ZNF19: variants seen among roughly 807,000 people sequenced by gnomAD.
ZNF19 encodes zinc finger protein 19 (KOX 12).
A neutral mutation model predicts 13.1 loss-of-function variants in ZNF19; 11 were observed. The ratio of observed to expected loss-of-function variants is 0.84; its 90% confidence interval spans 0.53 to 1.39. ZNF19 has a LOEUF of 1.39. ZNF19 is among the 40% of genes most tolerant of loss of function. The pLI, the probability that ZNF19 is intolerant of heterozygous loss-of-function variation, is 0.00. For synonymous variants in ZNF19, 186 were observed against 187.0 expected (o/e 0.99, Z 0.04); for missense variants, 560 against 547.0 (o/e 1.02, Z -0.24).
intron 2 of ZNF19, 40 bp downstream of exon 2, chr16:71,484,549 G>C: frequency 2.0e-6 from 2 of 985,468 alleles, no homozygotes; most frequent in Non-Finnish European, 2.4e-6. Flanking sequence ...CAGTGCCTGA[G>C]CCTAGCAAGG....
In ZNF19 at chr16:71,476,070, T is replaced by C. The variant is rs778980582; in HGVS notation, c.477A>G (p.Lys159=). 5 of 1,614,042 alleles carry C rather than the reference T, an allele frequency of 3.1e-6. No individual in the cohort carries two copies. The highest frequency in any genetic ancestry group is 3.3e-5 in the Admixed American group (2 of 59,998). The change falls in exon 6 of 6, where the codon AAA becomes AAG. Residue 159 remains lysine (K), a synonymous_variant. Coordinates refer to ENST00000288177, the MANE Select transcript of ZNF19 (RefSeq NM_006961.4). ...TCCCACACTCCTCACATATGAAAGG[T>C]TTCCTTGCACAGGGGATTCTTGGAA... is the stretch of plus-strand genomic sequence containing the variant. ...GKVPRIPCAR[K]PFICEECGKS...
intron 1 of ZNF19, chr16:71,488,932 T>TC (rs2043700803): frequency 6.6e-6 from 1 of 152,320 alleles, no homozygotes; most frequent in Non-Finnish European, 1.5e-5. Flanking sequence ...GTTAAAGACT[T>TC]AAGCCGGCCC....
rs567704999 is a variant in ZNF19 at position 71,484,614 on chromosome 16, T to G, written c.-55A>C. The G allele has an allele frequency of 1.9e-5, 19 of 985,414 alleles. No homozygotes were observed. The highest frequency in any genetic ancestry group is 2.3e-5 in the Non-Finnish European group (19 of 829,970). The allele number at this position is 985,414 out of a possible 1,614,324, so 61.0% of individuals were successfully genotyped here. ...CTCAGGAAAAACAGAAAGCGGTGCG[T>G]GAACGGAAGTGCGTCACTACTTTGG... On this transcript the variant is annotated 5_prime_UTR_variant, in exon 2 of 6. Transcript: ENST00000288177.
rs928839488 is a variant in ZNF19 at position 71,474,175 on chromosome 16, G to A, written c.*995C>T. 2.0e-5 allele frequency: 3 copies of A among 152,226 alleles called. No homozygotes were observed. The highest frequency in any genetic ancestry group is 4.4e-5 in the Non-Finnish European group (3 of 68,044). The allele number at this position is 152,226 out of a possible 1,614,324, so 9.4% of individuals were successfully genotyped here. ...AAAGGGCCAGCCCTGTTTTCCTACT[G>A]AGAGATCTCTGCAGTGTGTCTTATG... On this transcript the variant is annotated 3_prime_UTR_variant, in exon 6 of 6. Transcript: ENST00000288177.
At position 71,475,633 on chromosome 16, in the gene ZNF19, T is replaced by G; in HGVS notation, c.914A>C (p.Glu305Ala). 1 of 1,614,224 alleles carries G rather than the reference T, an allele frequency of 6.2e-7. No individual in the cohort carries two copies. The highest frequency in any genetic ancestry group is 8.5e-7 in the Non-Finnish European group (1 of 1,180,036). Reference sequence around the variant, plus strand: ...AGTCCTTCCAAAGCTTTTGCCACACTCATTACACTCATAGGGTTTCTCTCC... The same window carrying G: ...AGTCCTTCCAAAGCTTTTGCCACACGCATTACACTCATAGGGTTTCTCTCC... ...HTGEKPYECN[E>A]CGKSFGRTSH... Residue 305 changes from glutamate to alanine, a missense_variant, in exon 6 of 6, where the codon GAG becomes GCG. By Grantham distance (107) the Glu-to-Ala change is moderately radical. Transcript: ENST00000288177.
chr16:71,486,454 A>G (rs923852919), intron 1 of ZNF19, among the ~76,000 whole-genome samples: 1 of 152,216 alleles, frequency 6.6e-6, no homozygotes, highest in Non-Finnish European at 1.5e-5. Flanking sequence ...AGAGAATCAC[A>G]AAAATGACAG....
At chr16:71,477,611 G>A (rs1160498573) in intron 5 of ZNF19, among the ~76,000 whole-genome samples, 1 of 151,958 alleles carries the variant, frequency 6.6e-6, no homozygotes, top group Admixed American at 6.6e-5. Context: ...TTAGAGTACT[G>A]TTTCAGACCT....
At position 71,476,087 on chromosome 16, in the gene ZNF19, T is replaced by C. The variant is rs552689733; in HGVS notation, c.460A>G (p.Ile154Val). The C allele has an allele frequency of 3.1e-6, 5 of 1,614,200 alleles. No homozygotes were observed. The Admixed American group carries it at 6.7e-5, about 22-fold the overall frequency. The change falls in exon 6 of 6, where the codon ATC becomes GTC. Residue 154 changes from isoleucine to valine, a missense_variant. Transcript: ENST00000288177. ...ATGAAAGGTTTCCTTGCACAGGGGA[T>C]TCTTGGAACCTTTCCTTGGATATTT... is the stretch of plus-strand genomic sequence containing the variant. ...VKNIQGKVPR[I>V]PCARKPFICE... is the part of the protein sequence containing the mutation.
chr16:71,478,520 C>T lies in ZNF19; in HGVS notation c.161-179G>A, dbSNP rs1233484420. ...TTGTGACTTCTTCCTAAAAAAAACA[C>T]TCAAGGATAAGTAAGTCAGTGAGAT... On this transcript the variant is annotated intron_variant, in intron 4 of 5. Coordinates refer to ENST00000288177, the MANE Select transcript of ZNF19 (RefSeq NM_006961.4). The T allele has an allele frequency of 1.7e-5, 12 of 704,716 alleles. No homozygotes were observed. The Admixed American group carries it at 2.4e-4, about 14-fold the overall frequency. 43.7% of individuals were successfully genotyped at this position (704,716 alleles called of 1,614,324 possible).
At chr16:71,488,986 T>G (rs2043701312) in intron 1 of ZNF19, 1 of 152,926 alleles carries the variant, frequency 6.5e-6, no homozygotes. Flanking sequence ...AGGAATCAGC[T>G]GGAGTCCTTG....
At chr16:71,478,708 C>T in intron 4 of ZNF19, 171 bp downstream of exon 4, 1 of 924,030 alleles carries the variant, frequency 1.1e-6, no homozygotes, top group Non-Finnish European at 1.6e-6. Context: ...AGACCTCTCC[C>T]TACCCAGCAA....
At position 71,475,976 on chromosome 16, in the gene ZNF19, A is replaced by T. The variant is rs2043599861; in HGVS notation, c.571T>A (p.Cys191Ser). The T allele has an allele frequency of 6.2e-7, 1 of 1,613,962 alleles. No homozygotes were observed. Among genetic ancestry groups the T allele is most frequent in the Non-Finnish European group, 8.5e-7 (1 of 1,179,964 alleles). Residue 191 changes from cysteine (C) to serine (S), a missense_variant, in exon 6 of 6, where the codon TGT (cysteine) becomes AGT (serine). Transcript: ENST00000288177. ...TTAAAGGCTTTTCCACACTCACTAC[A>T]CTCAAAAGGTTTCTCCCCAGTGTGG... ...RIHTGEKPFE[C>S]SECGKAFNGN...
rs1295603950 is a variant in ZNF19, at chr16:71,475,240, G to A, written c.1307C>T (p.Ser436Phe). The change falls in exon 6 of 6, where the codon TCT (serine) becomes TTT (phenylalanine). Residue 436 changes from serine (S) to phenylalanine (F), a missense_variant. Ser to Phe is a radical substitution (Grantham distance 155). Transcript: ENST00000288177. ...SQLGHLEHVY[S>F]GEKPVLDICR... ...AATGTCCAGCACAGGCTTCTCTCCA[G>A]AGTAGACATGCTCAAGGTGACCTAG... is the stretch of plus-strand genomic sequence containing the variant. 1 of 1,614,156 alleles carries A rather than the reference G, an allele frequency of 6.2e-7. No homozygotes were observed. The highest frequency in any genetic ancestry group is 8.5e-7 in the Non-Finnish European group (1 of 1,180,012).
intron 2 of ZNF19, among the ~76,000 whole-genome samples, chr16:71,483,461 C>T (rs887516654): frequency 6.6e-6 from 1 of 152,204 alleles, no homozygotes; most frequent in Non-Finnish European, 1.5e-5. Flanking sequence ...TCTGTGCTAA[C>T]TCAGGACCTT....
At chr16:71,483,298 C>CTAGAAT (rs2145171412) in intron 2 of ZNF19, among the ~76,000 whole-genome samples, 1 of 152,330 alleles carries the variant, frequency 6.6e-6, no homozygotes, top group South Asian at 2.1e-4. Context: ...CTCTTACAGA[C>CTAGAAT]ACTTTGTATT....
In ZNF19 at chr16:71,482,157, CAG is replaced by C. The variant is rs756903792; in HGVS notation, c.-29-16_-29-15del. On this transcript the variant is annotated splice_polypyrimidine_tract_variant and intron_variant, in intron 2 of 5. Coordinates refer to ENST00000288177, the MANE Select transcript of ZNF19 (RefSeq NM_006961.4). ...AGCAGGCAAAGGCTGAGGGAAGAAA[CAG>C]AGAGAACCAACAGTGAGCTCAGCCC... 6 of 1,612,940 alleles carry C rather than the reference CAG, an allele frequency of 3.7e-6. No individual in the cohort carries two copies. Among genetic ancestry groups the C allele is most frequent in the Non-Finnish European group, 4.2e-6 (5 of 1,179,512 alleles).
chr16:71,479,520 A>G (rs1307680787), intron 3 of ZNF19, among the ~76,000 whole-genome samples: 2 of 152,052 alleles, frequency 1.3e-5, no homozygotes. Flanking sequence ...GGCCTATCTC[A>G]TCCGACTCCC....
intron 2 of ZNF19, among the ~76,000 whole-genome samples, chr16:71,482,993 G>A (rs904260400): frequency 3.0e-4 from 45 of 152,302 alleles, no homozygotes; most frequent in Admixed American, 2.0e-4. Flanking sequence ...GTGAGGCACC[G>A]CCTCCTGCTT....
intron 2 of ZNF19, among the ~76,000 whole-genome samples, chr16:71,482,669 C>A (rs1443381207): frequency 6.6e-6 from 1 of 152,104 alleles, no homozygotes; most frequent in African/African-American, 2.4e-5. Context: ...GGATCCCACA[C>A]TAGATCTGCC....
Sources: gnomAD v4.1 joint callset for allele counts (sites outside exome capture counted in the v4.1 genomes callset) on GRCh38, gnomAD v4.1.1 for gene constraint, MANE v1.5 for transcripts, NCBI Gene and HGNC (gene_info 2026-07-23, HGNC 2026-07-21) for gene names.